TMPRSS11F: variants seen among roughly 807,000 people sequenced by gnomAD.
The protein encoded by TMPRSS11F is transmembrane serine protease 11F.
A neutral mutation model predicts 60.2 loss-of-function variants in TMPRSS11F; 47 were observed. The observed-to-expected ratio is 0.78, with a 90% CI of 0.62 to 1.00. The LOEUF is 1.00. Among genes scored for constraint, TMPRSS11F ranks in the 50% least tolerant of loss-of-function variants. The probability of loss-of-function intolerance (pLI) is 0.00; values close to 1 mark genes in which losing one functional copy is unlikely to be tolerated. For missense variants in TMPRSS11F, 519 were observed against 522.9 expected, an observed-to-expected ratio of 0.99 and a Z score of 0.07; for synonymous variants, 166 against 167.3, an observed-to-expected ratio of 0.99 and a Z score of 0.06.
At chr4:68,095,140 A>T (rs556709789) in intron 2 of TMPRSS11F, among the ~76,000 whole-genome samples, 1 of 151,348 alleles carries the variant, frequency 6.6e-6, no homozygotes, top group Non-Finnish European at 1.5e-5. Context: ...TTATATATAT[A>T]TATACATCAT....
At chr4:68,065,860 G>A (rs6842119) in intron 7 of TMPRSS11F, among the ~76,000 whole-genome samples, 2,121 of 152,144 alleles carry the variant, frequency 0.014, 38 homozygotes, top group African/African-American at 0.047. Flanking sequence ...GCTCATGCCT[G>A]TAATCCCAGC....
chr4:68,101,798 A>G (rs1223564896), intron 1 of TMPRSS11F, among the ~76,000 whole-genome samples: 1 of 152,178 alleles, frequency 6.6e-6, no homozygotes, highest in Non-Finnish European at 1.5e-5. Context: ...AAATTCACTT[A>G]TCCTTTATCT....
At position 68,091,794 on chromosome 4, in the gene TMPRSS11F, T is replaced by TCTATCTAC. The variant is rs1285573438; in HGVS notation, c.164-1154_164-1153insGTAGATAG. On this transcript the variant is annotated intron_variant, in intron 2 of 9. Coordinates refer to ENST00000356291, the MANE Select transcript of TMPRSS11F (RefSeq NM_207407.2). ...CTCTCTCTCTCTCTCTATCTATCTA[T>TCTATCTAC]CTATCTTTTTGAGATGGAGTCTCAC... is the stretch of plus-strand genomic sequence containing the variant. Among the ~76,000 whole-genome samples the TCTATCTAC allele has an allele frequency of 1.3e-3, 192 of 145,798 alleles. 2 individuals are homozygous for TCTATCTAC. The highest frequency in any genetic ancestry group is 3.8e-3 in the African/African-American group (149 of 39,454).
At chr4:68,125,032 G>A (rs1219642104) in intron 1 of TMPRSS11F, among the ~76,000 whole-genome samples, 17 of 139,382 alleles carry the variant, frequency 1.2e-4, no homozygotes, top group African/African-American at 3.7e-4. Flanking sequence ...TGGGAATGCT[G>A]CATTGGTCAT....
At position 68,062,855 on chromosome 4, in the gene TMPRSS11F, G is replaced by T. The variant is rs200993654; in HGVS notation, c.1015+1830C>A. The T allele has an allele frequency of 6.4e-6, 5 of 779,868 alleles. No individual in the cohort carries two copies. In the African/African-American group the frequency reaches 8.5e-5, roughly 13 times the overall value. 48.3% of individuals were successfully genotyped at this position (779,868 alleles called of 1,614,324 possible). A position where few individuals can be genotyped will look rare whatever the true frequency, so the allele number is the denominator to read the frequency against. ...TAGAGTTAACTTAACATATGTATTG[G>T]GTGGTCTGTTTGCTGCCCAATTTTT... On this transcript the variant is annotated intron_variant, in intron 8 of 9. Coordinates refer to ENST00000356291, the MANE Select transcript of TMPRSS11F (RefSeq NM_207407.2).
intron 2 of TMPRSS11F, among the ~76,000 whole-genome samples, chr4:68,091,709 G>A (rs1269043849): frequency 2.0e-5 from 3 of 150,412 alleles, no homozygotes; most frequent in African/African-American, 5.0e-5. Context: ...TAATTTTTCA[G>A]TCTTTAAATC....
intron 3 of TMPRSS11F, among the ~76,000 whole-genome samples, chr4:68,074,319 G>A (rs927701724): frequency 1.3e-5 from 2 of 152,148 alleles, no homozygotes; most frequent in African/African-American, 4.8e-5. Flanking sequence ...GTTGATTTGA[G>A]AATTAAGTGA....
chr4:68,095,594 A>G (rs1724055833), intron 2 of TMPRSS11F, among the ~76,000 whole-genome samples: 1 of 152,132 alleles, frequency 6.6e-6, no homozygotes, highest in South Asian at 2.1e-4. Context: ...ATTATCCATG[A>G]TGATAAAAAA....
chr4:68,091,771 CTCTCTCTCTCTCTATCTA>C lies in TMPRSS11F; in HGVS notation c.164-1148_164-1131del, dbSNP rs1387502795. ...AATCTCTCTCTCTCTCTCTCTCTCT[CTCTCTCTCTCTCTATCTA>C]TCTATCTATCTTTTTGAGATGGAGT... On this transcript the variant is annotated intron_variant, in intron 2 of 9. Transcript: ENST00000356291. 1.0e-3 allele frequency among the ~76,000 whole-genome samples: 66 copies of C among 63,390 alleles called. 1 individual carries two copies. The highest frequency in any genetic ancestry group is 2.1e-3 in the Admixed American group (10 of 4,770). The allele number at this position is 63,390 out of a possible 152,430, so 41.6% of individuals were successfully genotyped here. A position where few individuals can be genotyped will look rare whatever the true frequency, so the allele number is the denominator to read the frequency against.
intron 6 of TMPRSS11F, among the ~76,000 whole-genome samples, chr4:68,069,114 G>C (rs1361650614): frequency 6.6e-6 from 1 of 152,160 alleles, no homozygotes; most frequent in African/African-American, 2.4e-5. Flanking sequence ...ATGTGTCTTA[G>C]ATGTATTTAT....
At chr4:68,108,889 C>T (rs978505455) in intron 1 of TMPRSS11F, among the ~76,000 whole-genome samples, 5 of 152,092 alleles carry the variant, frequency 3.3e-5, no homozygotes, top group African/African-American at 4.8e-5. Context: ...TTTTATTTTA[C>T]CCAGGACCTG....
chr4:68,092,725 A>ATTT (rs763486424), intron 2 of TMPRSS11F, among the ~76,000 whole-genome samples: 57,771 of 151,838 alleles, frequency 0.38, 12,783 homozygotes, highest in Non-Finnish European at 0.52. Flanking sequence ...TTATTACAAA[A>ATTT]AAAAGATTAA....
At chr4:68,078,534 T>A (rs1017241199) in intron 3 of TMPRSS11F, among the ~76,000 whole-genome samples, 1 of 152,240 alleles carries the variant, frequency 6.6e-6, no homozygotes, top group African/African-American at 2.4e-5. Context: ...ATATATCCAA[T>A]GTTCCACACA....
intron 1 of TMPRSS11F, among the ~76,000 whole-genome samples, chr4:68,114,805 A>G (rs899373357): frequency 2.0e-5 from 3 of 151,906 alleles, no homozygotes; most frequent in African/African-American, 7.2e-5. Context: ...TAAAACCAAT[A>G]TTATATAAAA....
At chr4:68,072,249 A>ATATATATATATATAT in intron 5 of TMPRSS11F, 74 bp downstream of exon 5, 1 of 220,320 alleles carries the variant, frequency 4.5e-6, no homozygotes, top group East Asian at 1.1e-4. Flanking sequence ...ATATATATAT[A>ATATATATATATATAT]TTGCTTACAA....
chr4:68,063,907 A>G (rs562859021), intron 8 of TMPRSS11F, among the ~76,000 whole-genome samples: 1 of 152,110 alleles, frequency 6.6e-6, no homozygotes, highest in Non-Finnish European at 1.5e-5. Context: ...TAATTAAAAT[A>G]AACAAAGGAA....
At chr4:68,102,486 C>CT (rs1485883654) in intron 1 of TMPRSS11F, among the ~76,000 whole-genome samples, 2 of 152,088 alleles carry the variant, frequency 1.3e-5, no homozygotes, top group African/African-American at 4.8e-5. Context: ...CATTTGTTAC[C>CT]TTTTGACTTT....
intron 7 of TMPRSS11F, 47 bp from the exon 8 acceptor site, chr4:68,064,991 G>A (rs770051495): frequency 7.1e-6 from 11 of 1,539,600 alleles, no homozygotes; most frequent in Non-Finnish European, 7.0e-6. Context: ...ACTTAATTCT[G>A]TAAAAAAGAC....
rs553792872 is a variant in TMPRSS11F, at chr4:68,117,721, A to T, written c.11+12089T>A. ...GTTGGCTCCAAGTTCTCAACTGTCA[A>T]TTCACTGAATTATAAAAATAGCTAT... On this transcript the variant is annotated intron_variant, in intron 1 of 9. Transcript: ENST00000356291. Among the ~76,000 whole-genome samples, 4 of 152,236 alleles carry T rather than the reference A, an allele frequency of 2.6e-5. No homozygotes were observed. The East Asian group carries it at 7.7e-4, about 29-fold the overall frequency.
Sources: gnomAD v4.1 joint callset for allele counts (sites outside exome capture counted in the v4.1 genomes callset) on GRCh38, gnomAD v4.1.1 for gene constraint, MANE v1.5 for transcripts, NCBI Gene and HGNC (gene_info 2026-07-23, HGNC 2026-07-21) for gene names.